The following PTGER3 variants were observed in gnomAD, a reference collection of about 807,000 sequenced individuals.
PTGER3 encodes prostaglandin E receptor 3, also known as prostaglandin E2 receptor EP3 subtype.
PTGER3 carries 22 observed loss-of-function variants against 34.7 expected under a neutral mutation model. That is an observed-to-expected ratio of 0.63 (90% CI 0.45 to 0.91). PTGER3 has a LOEUF of 0.91. Among genes scored for constraint, PTGER3 ranks in the 40% least tolerant of loss-of-function variants. The pLI is 0.00. For synonymous variants in PTGER3, 241 were observed against 230.1 expected (o/e 1.05, Z -0.43); for missense variants, 468 against 519.4 (o/e 0.90, Z 0.96).
chr1:70,981,294 TCCTTC>T (rs1654241504), intron 2 of PTGER3, among the ~76,000 whole-genome samples: 1 of 58,884 alleles, frequency 1.7e-5, no homozygotes, highest in African/African-American at 6.0e-5. Context: ...CTCTCTCTCT[TCCTTC>T]CTTCCTTCCT....
At chr1:70,984,662 A>G (rs141821114) in intron 2 of PTGER3, among the ~76,000 whole-genome samples, 67 of 151,510 alleles carry the variant, frequency 4.4e-4, no homozygotes, top group African/African-American at 1.6e-3. Context: ...AGGAGTTAGA[A>G]GATGCAGTGA....
rs1660879429 is a variant in PTGER3 at position 71,046,922 on chromosome 1, G to C, written c.656C>G (p.Thr219Ser). ...FISTGRGGNGTSSSHNWGNLF... is the reference protein window; with the variant it reads ...FISTGRGGNGSSSSHNWGNLF... ...GTTGCCCCAGTTATGCGAAGAGCTAGTCCCGTTGCCCCCTCGCCCGGTGCT... is the reference window on the plus strand; with the variant it reads ...GTTGCCCCAGTTATGCGAAGAGCTACTCCCGTTGCCCCCTCGCCCGGTGCT... Residue 219 changes from threonine to serine, a missense_variant, in exon 1 of 4, where the codon ACT becomes AGT. Around this residue, in one of 5 missense-constraint regions of PTGER3, gnomAD observed 204 missense variants for 230.8 expected, o/e 0.88. Coordinates refer to ENST00000306666, the MANE Select transcript of PTGER3 (RefSeq NM_198719.2). The C allele has an allele frequency of 6.2e-7, 1 of 1,610,110 alleles. No individual in the cohort carries two copies. Among genetic ancestry groups the C allele is most frequent in the Non-Finnish European group, 8.5e-7 (1 of 1,178,224 alleles).
chr1:70,932,624 A>T (rs1167412287), intron 4 of PTGER3, among the ~76,000 whole-genome samples: 1 of 152,096 alleles, frequency 6.6e-6, no homozygotes. Context: ...ATCAGATCTT[A>T]TGAGACTTAT....
At chr1:70,933,978 A>G (rs1345625185) in intron 4 of PTGER3, among the ~76,000 whole-genome samples, 1 of 152,212 alleles carries the variant, frequency 6.6e-6, no homozygotes, top group East Asian at 1.9e-4. Flanking sequence ...TGAAGTAAGT[A>G]TGCACATGGA....
chr1:70,994,735 C>T (rs1655781857), intron 2 of PTGER3, among the ~76,000 whole-genome samples: 1 of 152,166 alleles, frequency 6.6e-6, no homozygotes, highest in South Asian at 2.1e-4. Context: ...GGATTACAGG[C>T]GTGAGCCATT....
chr1:71,038,092 T>C (rs2100980704), intron 1 of PTGER3, among the ~76,000 whole-genome samples: 1 of 152,360 alleles, frequency 6.6e-6, no homozygotes, highest in South Asian at 2.1e-4. Context: ...GAATGAATCT[T>C]ATCTTTTACA....
chr1:70,873,022 G>C lies in PTGER3; in HGVS notation c.*24-20163C>G, dbSNP rs577326194. On this transcript the variant is annotated intron_variant, in intron 4 of 4. Coordinates refer to the PTGER3 transcript ENST00000370931. The stretch of plus-strand genomic sequence containing the variant: ...AGGAGGCATAGCTCCCTCTTTCCAA[G>C]CTTCTGAAAGTATTCTCTCTATCCT... Among the ~76,000 whole-genome samples the C allele has an allele frequency of 3.9e-5, 6 of 152,230 alleles. No individual in the cohort carries two copies. The East Asian group carries it at 1.2e-3, about 29-fold the overall frequency.
chr1:70,949,868 G>T (rs1197616621), downstream of PTGER3, among the ~76,000 whole-genome samples: 1 of 152,156 alleles, frequency 6.6e-6, no homozygotes, highest in Non-Finnish European at 1.5e-5. Context: ...GAGGAAAATA[G>T]AGAGAGGCTT....
At chr1:70,898,793 A>G (rs1351716335) in intron 4 of PTGER3, among the ~76,000 whole-genome samples, 1 of 152,212 alleles carries the variant, frequency 6.6e-6, no homozygotes, top group Admixed American at 6.5e-5. Context: ...CATATTACCT[A>G]GTTAATAATA....
chr1:70,907,245 C>T (rs1174975361), intron 4 of PTGER3, among the ~76,000 whole-genome samples: 1 of 152,226 alleles, frequency 6.6e-6, no homozygotes, highest in African/African-American at 2.4e-5. Flanking sequence ...TTTTCATCTT[C>T]ATTCCTTAGT....
chr1:70,898,942 A>G (rs917094278), intron 4 of PTGER3, among the ~76,000 whole-genome samples: 17 of 151,960 alleles, frequency 1.1e-4, no homozygotes, highest in African/African-American at 4.1e-4. Context: ...CTCTTTCATC[A>G]CTCACCTCCC....
At chr1:70,976,107 G>A (rs1572825217) in intron 2 of PTGER3, among the ~76,000 whole-genome samples, 2 of 133,522 alleles carry the variant, frequency 1.5e-5, no homozygotes, top group African/African-American at 2.6e-5. Flanking sequence ...ATGTCAAATA[G>A]CAGGAGATTA....
intron 4 of PTGER3, chr1:70,862,284 T>G (rs991157144): frequency 7.8e-7 from 1 of 1,287,594 alleles, no homozygotes; most frequent in African/African-American, 1.5e-5. Flanking sequence ...ACTGGTAAGT[T>G]CTTTGGAGAT....
In PTGER3 at chr1:70,953,927, C is replaced by T. The variant is rs1380572098; in HGVS notation, c.1078-138G>A. ...AATGGTAAATAGACTAAAAGTATAG[C>T]AAAAGATAAACAACATGGGCATGGC... On this transcript the variant is annotated intron_variant, in intron 2 of 3. Coordinates refer to the PTGER3 transcript ENST00000356595. The T allele has an allele frequency of 1.1e-5, 5 of 474,226 alleles. No individual in the cohort carries two copies. The East Asian group carries it at 1.8e-4, about 17-fold the overall frequency. 29.4% of individuals were successfully genotyped at this position (474,226 alleles called of 1,614,324 possible).
chr1:70,997,141 G>T (rs1420687486), intron 2 of PTGER3: 2 of 152,200 alleles, frequency 1.3e-5, no homozygotes, highest in African/African-American at 2.4e-5. Flanking sequence ...GCTTGGTGGT[G>T]CATGCCTGTA....
chr1:70,953,243 T>C (rs559206777), intron 3 of PTGER3, among the ~76,000 whole-genome samples: 2 of 152,262 alleles, frequency 1.3e-5, no homozygotes, highest in African/African-American at 2.4e-5. Flanking sequence ...ATAGGTTATA[T>C]GCAAATACTA....
chr1:71,026,408 G>A (rs74090208), intron 1 of PTGER3, among the ~76,000 whole-genome samples: 1,920 of 152,172 alleles, frequency 0.013, 49 homozygotes, highest in African/African-American at 0.043. Flanking sequence ...TTTAGTTTCC[G>A]AAACTTCTGA....
At chr1:70,855,946 T>G (rs1363306702) in intron 4 of PTGER3, among the ~76,000 whole-genome samples, 8 of 152,118 alleles carry the variant, frequency 5.3e-5, no homozygotes, top group Non-Finnish European at 7.4e-5. Flanking sequence ...TTTTAGAGTT[T>G]CCAGAAAAAT....
intron 4 of PTGER3, among the ~76,000 whole-genome samples, chr1:70,907,981 G>A (rs544370776): frequency 1.3e-5 from 2 of 152,252 alleles, no homozygotes; most frequent in Admixed American, 1.3e-4. Flanking sequence ...TAGACAGTGT[G>A]AGTGGAGCAG....
Sources: gnomAD v4.1 joint callset for allele counts (sites outside exome capture counted in the v4.1 genomes callset) on GRCh38, gnomAD v4.1.1 for gene constraint, gnomAD v4.1.1 regional missense constraint, MANE v1.5 for transcripts, NCBI Gene and HGNC (gene_info 2026-07-23, HGNC 2026-07-21) for gene names.